HIVEP2: variants seen among roughly 807,000 people sequenced by gnomAD.
The protein encoded by HIVEP2 is HIVEP zinc finger 2.
In HIVEP2, 14 loss-of-function variants were observed where a neutral mutation model predicts 180.7. The ratio of observed to expected loss-of-function variants is 0.08; its 90% confidence interval spans 0.05 to 0.12. The LOEUF is 0.12. HIVEP2 is among the 10% of genes least tolerant of loss of function. The pLI, the probability that HIVEP2 is intolerant of heterozygous loss-of-function variation, is 1.00. For synonymous variants in HIVEP2, 1,184 were observed against 1,136.4 expected (o/e 1.04, Z -0.84); for missense variants, 2,579 against 3,008.5 (o/e 0.86, Z 3.34).
intron 2 of HIVEP2, among the ~76,000 whole-genome samples, chr6:142,820,301 C>G (rs1776995925): frequency 6.6e-6 from 1 of 150,946 alleles, no homozygotes; most frequent in African/African-American, 2.4e-5. Context: ...TCTCTCTTCT[C>G]TCTCTCTCTC....
Position 142,771,925 on chromosome 6 carries a change from T to C in HIVEP2, c.2814A>G (p.Lys938=), listed in dbSNP as rs376120078. ...TATCTGCAAGTCGCAGACGCTTCTT[T>C]TTGGGTGGCAACTTCTCCGCGGGGA... ...SQLPAEKLPP[K]KKRLRLADME... is the part of the protein sequence containing the mutation. Residue 938 remains lysine, a synonymous_variant, in exon 5 of 10, where the codon AAA becomes AAG. Transcript: ENST00000367603. This position sits in a 1 kb window ranked among gnomAD's most constrained non-coding sequence, Gnocchi z 5.4. 272 of 1,614,184 alleles carry C rather than the reference T, an allele frequency of 1.7e-4. No individual in the cohort carries two copies. Among genetic ancestry groups the C allele is most frequent in the Non-Finnish European group, 2.3e-4 (267 of 1,180,042 alleles).
chr6:142,811,457 C>CTAAACCCTTCTA (rs1776696181), intron 2 of HIVEP2, among the ~76,000 whole-genome samples: 1 of 152,156 alleles, frequency 6.6e-6, no homozygotes, highest in African/African-American at 2.4e-5. Flanking sequence ...TAAACCCTAT[C>CTAAACCCTTCTA]ATTTTGTGCA....
At chr6:142,873,678 G>T (rs1386160433) in intron 1 of HIVEP2, among the ~76,000 whole-genome samples, 7 of 152,078 alleles carry the variant, frequency 4.6e-5, no homozygotes, top group African/African-American at 1.7e-4. Flanking sequence ...TATAGCGCTA[G>T]GTTCATATAT....
intron 1 of HIVEP2, among the ~76,000 whole-genome samples, chr6:142,939,978 A>G (rs1778137619): frequency 6.6e-6 from 1 of 152,230 alleles, no homozygotes. Context: ...TCATATTTTC[A>G]TATCACACAG....
At chr6:142,783,161 C>G (rs1375038422) in intron 3 of HIVEP2, among the ~76,000 whole-genome samples, 1 of 151,828 alleles carries the variant, frequency 6.6e-6, no homozygotes, top group Non-Finnish European at 1.5e-5. Flanking sequence ...AACCCTGTCT[C>G]TACTAAAAAT....
chr6:142,873,602 A>G (rs1776352735), intron 1 of HIVEP2, among the ~76,000 whole-genome samples: 7 of 152,166 alleles, frequency 4.6e-5, no homozygotes, highest in Admixed American at 4.6e-4. Flanking sequence ...TTTTGAGCAC[A>G]CATTTTCCAG....
chr6:142,826,600 T>C (rs1412184420), intron 2 of HIVEP2, among the ~76,000 whole-genome samples: 2 of 152,176 alleles, frequency 1.3e-5, no homozygotes, highest in Admixed American at 1.3e-4. Context: ...AATCCCAATG[T>C]TGTAATAGGT....
chr6:142,882,972 A>C (rs925809240), intron 1 of HIVEP2, among the ~76,000 whole-genome samples: 3 of 152,144 alleles, frequency 2.0e-5, no homozygotes, highest in Non-Finnish European at 4.4e-5. Context: ...TACTACATTC[A>C]AATAGTCTGA....
Position 142,769,649 on chromosome 6 carries a change from T to C in HIVEP2, c.5090A>G (p.Lys1697Arg), listed in dbSNP as rs745807858. The C allele has an allele frequency of 2.8e-5, 46 of 1,614,106 alleles. No homozygotes were observed. Among genetic ancestry groups the C allele is most frequent in the Admixed American group, 2.2e-4 (13 of 60,006 alleles). Residue 1697 changes from lysine (K) to arginine (R), a missense_variant, in exon 5 of 10, where the codon AAG (lysine) becomes AGG (arginine). Coordinates refer to ENST00000367603, the MANE Select transcript of HIVEP2 (RefSeq NM_006734.4). Reference sequence around the variant, plus strand: ...ATAAATTTCTGCAGTGATTTTTTGCTTGGACCTCAGAAGAGCCAGCGTGGT... The same window carrying C: ...ATAAATTTCTGCAGTGATTTTTTGCCTGGACCTCAGAAGAGCCAGCGTGGT... ...TKTTLALLRS[K>R]QKITAEIYTL... is the part of the protein sequence containing the mutation.
At chr6:142,825,568 A>G (rs530702300) in intron 2 of HIVEP2, among the ~76,000 whole-genome samples, 2 of 152,354 alleles carry the variant, frequency 1.3e-5, no homozygotes, top group East Asian at 1.9e-4. Context: ...AATAAAACTT[A>G]GAAATCATTA....
At chr6:142,874,835 A>G (rs1299008856) in intron 1 of HIVEP2, among the ~76,000 whole-genome samples, 9 of 152,122 alleles carry the variant, frequency 5.9e-5, no homozygotes, top group Non-Finnish European at 1.0e-4. Flanking sequence ...CTGGCTAGGT[A>G]GGGCAGGGTC....
chr6:142,893,224 T>C (rs1776905001), intron 1 of HIVEP2, among the ~76,000 whole-genome samples: 1 of 152,078 alleles, frequency 6.6e-6, no homozygotes, highest in South Asian at 2.1e-4. Context: ...TGAGCCTCAG[T>C]GGGAATAACA....
At chr6:142,892,403 G>A (rs919274942) in intron 1 of HIVEP2, among the ~76,000 whole-genome samples, 3 of 152,136 alleles carry the variant, frequency 2.0e-5, no homozygotes, top group Non-Finnish European at 4.4e-5. Flanking sequence ...ACATCCCGGC[G>A]GAGGTGCCAG....
intron 2 of HIVEP2, among the ~76,000 whole-genome samples, chr6:142,794,514 A>G (rs1243155940): frequency 2.0e-5 from 3 of 152,296 alleles, no homozygotes; most frequent in African/African-American, 7.2e-5. Flanking sequence ...TATAACAGAA[A>G]AGGTACATAT....
At chr6:142,811,872 G>A (rs1009729288) in intron 2 of HIVEP2, among the ~76,000 whole-genome samples, 1 of 152,174 alleles carries the variant, frequency 6.6e-6, no homozygotes, top group Non-Finnish European at 1.5e-5. Context: ...AGTAGCTGAA[G>A]CCAGATTTAC....
chr6:142,886,770 T>C (rs1336846096), intron 1 of HIVEP2, among the ~76,000 whole-genome samples: 1 of 152,188 alleles, frequency 6.6e-6, no homozygotes, highest in Non-Finnish European at 1.5e-5. Flanking sequence ...AAAAACCTGT[T>C]AACAACACTG....
At chr6:142,915,172 T>C (rs1777521033) in intron 1 of HIVEP2, among the ~76,000 whole-genome samples, 1 of 152,222 alleles carries the variant, frequency 6.6e-6, no homozygotes, top group East Asian at 1.9e-4. Context: ...TGAATCCTCT[T>C]GTTATGTGTG....
intron 1 of HIVEP2, among the ~76,000 whole-genome samples, chr6:142,877,677 ATATCTTTACTGACCTTTTAATTCCAACAT>A (rs1776479320): frequency 6.6e-6 from 1 of 152,206 alleles, no homozygotes; most frequent in South Asian, 2.1e-4. Flanking sequence ...CTCCTAAACT[ATATCTTTACTGACCTTTTAATTCCAACAT>A]GTGAAAGGCA....
chr6:142,801,497 C>T (rs560066989), intron 2 of HIVEP2, among the ~76,000 whole-genome samples: 1 of 151,500 alleles, frequency 6.6e-6, no homozygotes, highest in South Asian at 2.1e-4. Context: ...CCAACGATCA[C>T]TGAGATAGTG....
Sources: allele counts gnomAD v4.1 joint callset (sites outside exome capture counted in the v4.1 genomes callset), GRCh38; gene constraint gnomAD v4.1.1; non-coding constraint Gnocchi (gnomAD v3.1); transcripts MANE v1.5; gene names NCBI Gene and HGNC (gene_info 2026-07-23, HGNC 2026-07-21).